MIPEP: variants seen among roughly 807,000 people sequenced by gnomAD.
MIPEP encodes mitochondrial intermediate peptidase.
MIPEP carries 79 observed loss-of-function variants against 90.3 expected under a neutral mutation model. The observed-to-expected ratio is 0.87, with a 90% CI of 0.73 to 1.05. The LOEUF (loss-of-function observed/expected upper bound fraction) is 1.05. Among genes scored for constraint, MIPEP ranks in the 50% least tolerant of loss-of-function variants. MIPEP has a pLI of 0.00. For synonymous variants in MIPEP, 334 were observed against 315.8 expected (o/e 1.06, Z -0.61); for missense variants, 940 against 905.6 (o/e 1.04, Z -0.49).
At chr13:23,821,166 T>C (rs1171513151) in intron 14 of MIPEP, among the ~76,000 whole-genome samples, 1 of 152,236 alleles carries the variant, frequency 6.6e-6, no homozygotes, top group East Asian at 1.9e-4. Flanking sequence ...ATACCCTCAG[T>C]AAAGCTTTGC....
At chr13:23,851,115 C>T (rs1247974781) in intron 10 of MIPEP, among the ~76,000 whole-genome samples, 1 of 152,196 alleles carries the variant, frequency 6.6e-6, no homozygotes, top group East Asian at 1.9e-4. Flanking sequence ...ATTCTCAGAC[C>T]TCTCCCCAGG....
intron 2 of MIPEP, among the ~76,000 whole-genome samples, chr13:23,882,328 T>A (rs1212010266): frequency 6.6e-6 from 1 of 152,082 alleles, no homozygotes; most frequent in African/African-American, 2.4e-5. Context: ...TGTTAACTTA[T>A]CTCCAGAAAA....
At chr13:23,732,264 C>G (rs1448112609) in intron 18 of MIPEP, among the ~76,000 whole-genome samples, 2 of 152,090 alleles carry the variant, frequency 1.3e-5, no homozygotes, top group Non-Finnish European at 2.9e-5. Flanking sequence ...GCTGGGATTA[C>G]AGGCGTGAGC....
chr13:23,745,563 T>C (rs957619019), intron 18 of MIPEP, among the ~76,000 whole-genome samples: 1 of 152,162 alleles, frequency 6.6e-6, no homozygotes, highest in Non-Finnish European at 1.5e-5. Context: ...AATTCATCAG[T>C]GTATTGCCAA....
At chr13:23,776,090 C>T (rs1293769483) in intron 16 of MIPEP, among the ~76,000 whole-genome samples, 3 of 151,646 alleles carry the variant, frequency 2.0e-5, no homozygotes, top group East Asian at 3.9e-4. Flanking sequence ...ATCTCTGTAC[C>T]CCCCATCTAT....
At chr13:23,853,092 T>G (rs919531982) in intron 10 of MIPEP, among the ~76,000 whole-genome samples, 1 of 152,176 alleles carries the variant, frequency 6.6e-6, no homozygotes, top group African/African-American at 2.4e-5. Context: ...TTTTAAAAAC[T>G]AAAAAGTTTA....
intron 16 of MIPEP, among the ~76,000 whole-genome samples, chr13:23,793,403 G>A (rs192473784): frequency 2.2e-4 from 34 of 152,228 alleles, no homozygotes; most frequent in Non-Finnish European, 3.5e-4. Flanking sequence ...AAAGGGGGTC[G>A]CAAGAGCCTT....
intron 18 of MIPEP, among the ~76,000 whole-genome samples, chr13:23,733,976 A>T (rs556661474): frequency 3.0e-4 from 46 of 152,314 alleles, no homozygotes; most frequent in African/African-American, 1.1e-3. Context: ...GTCACTAAGG[A>T]TAGAAACGCT....
intron 9 of MIPEP, 87 bp from the exon 10 acceptor site, chr13:23,858,999 C>T (rs1870169605): frequency 5.7e-6 from 6 of 1,044,694 alleles, no homozygotes; most frequent in Non-Finnish European, 7.4e-6. Flanking sequence ...AGAATGTAAA[C>T]CAGCTACTGT....
chr13:23,787,745 G>C (rs1547638), intron 16 of MIPEP, among the ~76,000 whole-genome samples: 41,279 of 152,044 alleles, frequency 0.27, 6,291 homozygotes, highest in African/African-American at 0.39. Context: ...GCTTTTCCGA[G>C]GCAAGTGAGT....
chr13:23,834,854 T>C (rs1377110138), intron 14 of MIPEP, among the ~76,000 whole-genome samples: 3 of 146,846 alleles, frequency 2.0e-5, no homozygotes, highest in Non-Finnish European at 4.4e-5. Flanking sequence ...TATCACGTGG[T>C]AGGGTATGCC....
chr13:23,843,951 G>C (rs934643713), intron 10 of MIPEP, among the ~76,000 whole-genome samples: 1 of 152,196 alleles, frequency 6.6e-6, no homozygotes, highest in Non-Finnish European at 1.5e-5. Context: ...AAAAGGAAGA[G>C]GGGAATCTGG....
At chr13:23,847,564 T>C (rs9510893) in intron 10 of MIPEP, among the ~76,000 whole-genome samples, 29,179 of 151,470 alleles carry the variant, frequency 0.19, 3,268 homozygotes, top group Non-Finnish European at 0.25. Flanking sequence ...GCTGATAACC[T>C]GGAAACACTA....
chr13:23,740,179 T>A (rs9507156), intron 18 of MIPEP, among the ~76,000 whole-genome samples: 1 of 152,064 alleles, frequency 6.6e-6, no homozygotes, highest in African/African-American at 2.4e-5. Flanking sequence ...ACGTCAACAG[T>A]GTGCAGGCAG....
intron 14 of MIPEP, among the ~76,000 whole-genome samples, chr13:23,822,044 T>C (rs145104432): frequency 3.3e-4 from 51 of 152,322 alleles, no homozygotes; most frequent in African/African-American, 1.1e-3. Context: ...TCATTCACAG[T>C]GTTGGAAAAG....
chr13:23,866,442 C>T (rs2025701), intron 7 of MIPEP, among the ~76,000 whole-genome samples: 83,979 of 151,978 alleles, frequency 0.55, 23,371 homozygotes, highest in South Asian at 0.72. Context: ...GTCACGGAAT[C>T]TGGAGCTGGG....
At chr13:23,849,166 A>C (rs971548242) in intron 10 of MIPEP, among the ~76,000 whole-genome samples, 5 of 152,204 alleles carry the variant, frequency 3.3e-5, no homozygotes, top group Admixed American at 2.0e-4. Flanking sequence ...GTGAACAACC[A>C]ACTGCACCAT....
intron 18 of MIPEP, among the ~76,000 whole-genome samples, chr13:23,748,625 T>C (rs1020863738): frequency 2.0e-5 from 3 of 152,226 alleles, no homozygotes; most frequent in African/African-American, 7.2e-5. Flanking sequence ...TTTTAAATCA[T>C]CTTATCTTTT....
At chr13:23,775,115 G>C (rs1456681808) in intron 16 of MIPEP, among the ~76,000 whole-genome samples, 2,589 of 11,622 alleles carry the variant, frequency 0.22, 57 homozygotes, top group Admixed American at 0.39. Flanking sequence ...TTCTCTGTGT[G>C]TGTGTGTGTG....
Sources: allele counts gnomAD v4.1 joint callset (sites outside exome capture counted in the v4.1 genomes callset), GRCh38; gene constraint gnomAD v4.1.1; transcripts MANE v1.5; gene names NCBI Gene and HGNC (gene_info 2026-07-23, HGNC 2026-07-21).